The following VWA3B variants were observed in gnomAD, a reference collection of about 807,000 sequenced individuals.
The protein encoded by VWA3B is von Willebrand factor A domain containing 3B.
VWA3B carries 138 observed loss-of-function variants against 158.3 expected under a neutral mutation model. The ratio of observed to expected loss-of-function variants is 0.87; its 90% CI spans 0.76 to 1.00. The LOEUF (loss-of-function observed/expected upper bound fraction) is 1.00, where lower values mean the gene tolerates loss of function less well. Among genes scored for constraint, VWA3B ranks in the 50% least tolerant of loss-of-function variants. The pLI is 0.00. For missense variants in VWA3B, 1,555 were observed against 1,565.1 expected (o/e 0.99, Z 0.11); for synonymous variants, 596 against 587.3 (o/e 1.01, Z -0.21).
chr2:98,266,317 G>C (rs1470011156), intron 21 of VWA3B, among the ~76,000 whole-genome samples: 1 of 151,452 alleles, frequency 6.6e-6, no homozygotes, highest in East Asian at 1.9e-4. Context: ...TTTCCCCATT[G>C]CTTGTTTTTC....
rs556021043 is a variant in VWA3B at position 98,109,222 on chromosome 2, C to A, written c.197-6430C>A. Among the ~76,000 whole-genome samples the A allele has an allele frequency of 1.0e-3, 153 of 152,232 alleles. 1 individual carries two copies. The South Asian group carries it at 0.022, about 22-fold the overall frequency. The stretch of plus-strand genomic sequence containing the variant: ...GGTCAGGCTGGTCTTGAACTCCTGA[C>A]CTCGGGTGATCTGACAACCTTGGCC... On this transcript the variant is annotated intron_variant, in intron 2 of 27. Coordinates refer to ENST00000477737, the MANE Select transcript of VWA3B (RefSeq NM_144992.5).
At chr2:98,169,955 C>T (rs1558630195) in intron 8 of VWA3B, among the ~76,000 whole-genome samples, 1 of 151,458 alleles carries the variant, frequency 6.6e-6, no homozygotes, top group African/African-American at 2.4e-5. Context: ...CCCGCCTCAA[C>T]AAAAAAAATG....
In VWA3B at chr2:98,192,910, A is replaced by G. The variant is rs908332864; in HGVS notation, c.1479A>G (p.Leu493=). Residue 493 remains leucine (L), a synonymous_variant, in exon 11 of 28, where the codon CTA becomes CTG. Coordinates refer to ENST00000477737, the MANE Select transcript of VWA3B (RefSeq NM_144992.5). Reference sequence around the variant, plus strand: ...ACTTCCTGCCTAGGATTAAATGGCTACAGGATGGGAGTCAAAGCCTCTTTG... The same window carrying G: ...ACTTCCTGCCTAGGATTAAATGGCTGCAGGATGGGAGTCAAAGCCTCTTTG... The part of the protein sequence containing the change: ...LARIRRRIKW[L]QDGSQSLFGR... 1.2e-6 allele frequency: 2 copies of G among 1,614,218 alleles called. No homozygotes were observed. The highest frequency in any genetic ancestry group is 1.3e-5 in the African/African-American group (1 of 75,062).
intron 14 of VWA3B, among the ~76,000 whole-genome samples, chr2:98,227,097 G>A (rs1442985379): frequency 6.6e-6 from 1 of 152,216 alleles, no homozygotes; most frequent in African/African-American, 2.4e-5. Flanking sequence ...AAGAGAAGAA[G>A]TCAAATTGTC....
Position 98,179,810 on chromosome 2 carries a change from CTT to C in VWA3B, c.1115-1204_1115-1203del, listed in dbSNP as rs1172621963. ...CTTTTCTTTCTTTCTTTCTTTCTTT[CTT>C]TCTTTCTTTCTTTCTTTTTCTTTCT... is the stretch of plus-strand genomic sequence containing the variant. On this transcript the variant is annotated intron_variant, in intron 8 of 27. Coordinates refer to ENST00000477737, the MANE Select transcript of VWA3B (RefSeq NM_144992.5). Among the ~76,000 whole-genome samples, 47 of 119,100 alleles carry C rather than the reference CTT, an allele frequency of 3.9e-4. No individual in the cohort carries two copies. In the East Asian group the frequency reaches 8.6e-3, roughly 22 times the overall value. The allele number at this position is 119,100 out of a possible 152,430, so 78.1% of individuals were successfully genotyped here.
chr2:98,184,109 G>A (rs1272375046), intron 9 of VWA3B, among the ~76,000 whole-genome samples: 3 of 152,198 alleles, frequency 2.0e-5, no homozygotes, highest in Admixed American at 6.5e-5. Context: ...TTGAACTTGG[G>A]TCCACTGGGC....
rs544721278 is a variant in VWA3B at position 98,105,625 on chromosome 2, G to A, written c.197-10027G>A. ...TTTTTGTAATCCCAGCACTTTGGGA[G>A]GCTGAGGTGGGAGGATTGCTTAAGC... On this transcript the variant is annotated intron_variant, in intron 2 of 27. Coordinates refer to ENST00000477737, the MANE Select transcript of VWA3B (RefSeq NM_144992.5). 2.0e-5 allele frequency among the ~76,000 whole-genome samples: 3 copies of A among 152,208 alleles called. No homozygotes were observed. The South Asian group carries it at 6.2e-4, about 32-fold the overall frequency.
At chr2:98,286,976 C>G (rs1689198926) in intron 22 of VWA3B, among the ~76,000 whole-genome samples, 2 of 152,100 alleles carry the variant, frequency 1.3e-5, no homozygotes, top group Non-Finnish European at 2.9e-5. Context: ...AATGGGATTT[C>G]ACTCCACCTT....
At position 98,153,478 on chromosome 2, in the gene VWA3B, A is replaced by T. The variant is rs144512909; in HGVS notation, c.989-9373A>T. ...ACTAAGACTAAATATTATGAAACTG[A>T]GTTTTATTTACATAAGGACACATTC... On this transcript the variant is annotated intron_variant, in intron 7 of 27. Coordinates refer to ENST00000477737, the MANE Select transcript of VWA3B (RefSeq NM_144992.5). Among the ~76,000 whole-genome samples the T allele has an allele frequency of 2.8e-4, 43 of 152,306 alleles. 2 individuals are homozygous for T. The East Asian group carries it at 8.3e-3, about 29-fold the overall frequency.
At position 98,216,982 on chromosome 2, in the gene VWA3B, A is replaced by ACCCCCCC. The variant is rs139373261; in HGVS notation, c.1837-861_1837-860insCCCCCCC. 3.0e-4 allele frequency: 365 copies of ACCCCCCC among 1,236,314 alleles called. 5 individuals carry two copies. Among genetic ancestry groups the ACCCCCCC allele is most frequent in the Non-Finnish European group, 3.2e-4 (309 of 954,520 alleles). The allele number at this position is 1,236,314 out of a possible 1,614,324, so 76.6% of individuals were successfully genotyped here. ...GACTGTCATGTGTATCATTGTAAGC[A>ACCCCCCC]CCCGCCCCGCACCCAGTCTCAGGTG... On this transcript the variant is annotated intron_variant, in intron 13 of 27. Coordinates refer to ENST00000477737, the MANE Select transcript of VWA3B (RefSeq NM_144992.5).
intron 19 of VWA3B, among the ~76,000 whole-genome samples, chr2:98,247,236 G>T (rs930980199): frequency 1.3e-5 from 2 of 152,050 alleles, no homozygotes; most frequent in South Asian, 4.2e-4. Flanking sequence ...GACCTCAAGT[G>T]ATCCACCCGC....
At chr2:98,276,395 G>A (rs1688523735) in intron 22 of VWA3B, among the ~76,000 whole-genome samples, 1 of 152,198 alleles carries the variant, frequency 6.6e-6, no homozygotes, top group Admixed American at 6.5e-5. Context: ...AGAGATGCAA[G>A]TCATTTTTCC....
chr2:98,298,049 T>C lies in VWA3B; in HGVS notation c.3282+18T>C. On this transcript the variant is annotated intron_variant, in intron 24 of 27. Coordinates refer to ENST00000477737, the MANE Select transcript of VWA3B (RefSeq NM_144992.5). ...TGCTCCAGGTACCCAGTCCCTGATG[T>C]GTTCTGGGGCCCCTTTTCACCATCC... 1 of 1,493,588 alleles carries C rather than the reference T, an allele frequency of 6.7e-7. No homozygotes were observed. Among genetic ancestry groups the C allele is most frequent in the Non-Finnish European group, 8.9e-7 (1 of 1,122,734 alleles). The allele number at this position is 1,493,588 out of a possible 1,614,324, so 92.5% of individuals were successfully genotyped here.
At position 98,280,756 on chromosome 2, in the gene VWA3B, T is replaced by A. The variant is rs76191936; in HGVS notation, c.3046-9755T>A. On this transcript the variant is annotated intron_variant, in intron 22 of 27. Coordinates refer to ENST00000477737, the MANE Select transcript of VWA3B (RefSeq NM_144992.5). ...GGGAAAACCTCACAAAGCACTCCTCTACATCCCTTTGGTTTTTAAGGCAAG... is the reference window on the plus strand; with the variant it reads ...GGGAAAACCTCACAAAGCACTCCTCAACATCCCTTTGGTTTTTAAGGCAAG... 7.6e-3 allele frequency among the ~76,000 whole-genome samples: 1,165 copies of A among 152,304 alleles called. 14 individuals are homozygous for A. Among genetic ancestry groups the A allele is most frequent in the African/African-American group, 0.026 (1,100 of 41,568 alleles).
intron 14 of VWA3B, among the ~76,000 whole-genome samples, chr2:98,220,539 T>C (rs1684407138): frequency 6.6e-6 from 1 of 152,144 alleles, no homozygotes; most frequent in Non-Finnish European, 1.5e-5. Context: ...TGGAAGACAG[T>C]GTGGCGATTC....
intron 22 of VWA3B, among the ~76,000 whole-genome samples, chr2:98,285,936 G>C (rs1689141599): frequency 6.6e-6 from 1 of 151,956 alleles, no homozygotes; most frequent in Non-Finnish European, 1.5e-5. Context: ...CTACTTATTA[G>C]ATCTTTGATT....
Position 98,270,737 on chromosome 2 carries a change from G to T in VWA3B, c.2899G>T (p.Ala967Ser). The change falls in exon 22 of 28, where the codon GCT (alanine) becomes TCT (serine). Residue 967 changes from alanine (A) to serine (S), a missense_variant. Ala to Ser is a moderately conservative substitution (Grantham distance 99, BLOSUM62 1). Coordinates refer to ENST00000477737, the MANE Select transcript of VWA3B (RefSeq NM_144992.5). ...GGAAAACAAAACAGTTTTAAACCAG[G>T]CTTTAGAACGGTTGAATTGGCCCAT... ...YLENKTVLNQ[A>S]LERLNWPISL... 1 of 1,614,088 alleles carries T rather than the reference G, an allele frequency of 6.2e-7. No individual in the cohort carries two copies. Among genetic ancestry groups the T allele is most frequent in the Non-Finnish European group, 8.5e-7 (1 of 1,179,986 alleles).
At chr2:98,194,589 A>T in intron 12 of VWA3B, 97 bp downstream of exon 12, 1 of 1,442,070 alleles carries the variant, frequency 6.9e-7, no homozygotes, top group Non-Finnish European at 9.4e-7. Flanking sequence ...GGTGTTTTGC[A>T]CTCTCAGGAT....
chr2:98,263,318 C>T (rs1042447605), intron 21 of VWA3B, among the ~76,000 whole-genome samples: 2 of 151,834 alleles, frequency 1.3e-5, no homozygotes, highest in African/African-American at 4.8e-5. Flanking sequence ...GAAGAGTGGA[C>T]ATTGTTGCCT....
Sources: allele counts gnomAD v4.1 joint callset (sites outside exome capture counted in the v4.1 genomes callset), GRCh38; gene constraint gnomAD v4.1.1; transcripts MANE v1.5; gene names NCBI Gene and HGNC (gene_info 2026-07-23, HGNC 2026-07-21).